DNAJC1: variants seen among roughly 807,000 people sequenced by gnomAD.
DNAJC1 encodes the protein DnaJ heat shock protein family (Hsp40) member C1.
DNAJC1 carries 58 observed loss-of-function variants against 76.6 expected under a neutral mutation model. That is an observed-to-expected ratio of 0.76 (90% CI 0.61 to 0.94). The LOEUF (loss-of-function observed/expected upper bound fraction) is 0.94, where lower values mean the gene tolerates loss of function less well. Among genes scored for constraint, DNAJC1 ranks in the 40% least tolerant of loss-of-function variants. The pLI is 0.00. For synonymous variants in DNAJC1, 258 were observed against 267.9 expected (o/e 0.96, Z 0.36); for missense variants, 689 against 677.3 (o/e 1.02, Z -0.19).
chr10:21,844,337 C>G (rs1835622002), intron 8 of DNAJC1, among the ~76,000 whole-genome samples: 2 of 151,434 alleles, frequency 1.3e-5, no homozygotes, highest in Admixed American at 1.3e-4. Context: ...CGAATCCTGG[C>G]CTCAAGTGAT....
At chr10:21,864,514 C>CG (rs1191643244) in intron 8 of DNAJC1, among the ~76,000 whole-genome samples, 24 of 151,670 alleles carry the variant, frequency 1.6e-4, no homozygotes, top group South Asian at 4.1e-4. Context: ...CCCAGCTACT[C>CG]GGCAGGCTGA....
At chr10:21,775,267 C>T (rs958132646) in intron 9 of DNAJC1, among the ~76,000 whole-genome samples, 1 of 146,604 alleles carries the variant, frequency 6.8e-6, no homozygotes, top group Non-Finnish European at 1.5e-5. Context: ...ATTCAAGTTA[C>T]TATGCAAACT....
chr10:21,965,745 T>C (rs1837879435), intron 1 of DNAJC1, among the ~76,000 whole-genome samples: 1 of 152,178 alleles, frequency 6.6e-6, no homozygotes, highest in South Asian at 2.1e-4. Context: ...TATACGAGTA[T>C]ATACCTAGGG....
At chr10:21,834,373 G>A (rs1835415329) in intron 8 of DNAJC1, among the ~76,000 whole-genome samples, 1 of 152,246 alleles carries the variant, frequency 6.6e-6, no homozygotes, top group African/African-American at 2.4e-5. Flanking sequence ...AACAGCTCTG[G>A]TCTACAGCTA....
At chr10:21,794,266 C>CAAAAAAAA (rs542182948) in intron 9 of DNAJC1, among the ~76,000 whole-genome samples, 2 of 53,564 alleles carry the variant, frequency 3.7e-5, no homozygotes, top group African/African-American at 1.3e-4. Flanking sequence ...TTCCTATCTT[C>CAAAAAAAA]AAAAAAAAAA....
intron 8 of DNAJC1, among the ~76,000 whole-genome samples, chr10:21,812,250 G>T (rs1192100811): frequency 1.3e-5 from 2 of 151,392 alleles, no homozygotes; most frequent in African/African-American, 4.9e-5. Context: ...GTAGAGACGG[G>T]GTTTCACCAT....
chr10:21,806,144 T>C, intron 8 of DNAJC1, 45 bp from the exon 9 acceptor site: 1 of 1,547,818 alleles, frequency 6.5e-7, no homozygotes, highest in Non-Finnish European at 8.7e-7. Context: ...TGGGAGAAAA[T>C]AAAAAGATAA....
chr10:21,797,130 TGTAA>T lies in DNAJC1; in HGVS notation c.1098+8846_1098+8849del, dbSNP rs568803536. ...TTAAAAAAATTTTTTTTTTGCATGG[TGTAA>T]GTAAGGGTCCAGTTTCATTCTTTTG... On this transcript the variant is annotated intron_variant, in intron 9 of 11. Transcript: ENST00000376980. Among the ~76,000 whole-genome samples the T allele has an allele frequency of 4.2e-3, 641 of 152,136 alleles. 5 individuals carry two copies. The highest frequency in any genetic ancestry group is 0.019 in the South Asian group (93 of 4,818).
In DNAJC1 at chr10:22,003,590, C is replaced by T; in HGVS notation, c.-156G>A. 5 of 925,110 alleles carry T rather than the reference C, an allele frequency of 5.4e-6. No homozygotes were observed. Among genetic ancestry groups the T allele is most frequent in the South Asian group, 4.5e-5 (1 of 22,274 alleles). 57.3% of individuals were successfully genotyped at this position (925,110 alleles called of 1,614,324 possible). A position where few individuals can be genotyped will look rare whatever the true frequency, so the allele number is the denominator to read the frequency against. ...GCCAGGTGGCTGGCCCCAGACAGAG[C>T]GCGGAGGCGGCGGGAGCCGGCTGCC... is the stretch of plus-strand genomic sequence containing the variant. On this transcript the variant is annotated 5_prime_UTR_variant, in exon 1 of 12. Coordinates refer to ENST00000376980, the MANE Select transcript of DNAJC1 (RefSeq NM_022365.4).
chr10:21,854,956 C>T (rs550008159), intron 8 of DNAJC1, among the ~76,000 whole-genome samples: 6 of 152,126 alleles, frequency 3.9e-5, no homozygotes, highest in South Asian at 4.2e-4. Flanking sequence ...TTCGATATTA[C>T]GAAACTAAAG....
intron 6 of DNAJC1, among the ~76,000 whole-genome samples, chr10:21,907,802 C>A (rs1214087793): frequency 6.7e-6 from 1 of 150,090 alleles, no homozygotes; most frequent in African/African-American, 2.5e-5. Context: ...CATGGTGAAG[C>A]CCCATGTGTA....
chr10:21,907,989 A>C lies in DNAJC1; in HGVS notation c.730-3377T>G, dbSNP rs376434547. Among the ~76,000 whole-genome samples, 4 of 119,462 alleles carry C rather than the reference A, an allele frequency of 3.3e-5. No individual in the cohort carries two copies. The East Asian group carries it at 8.6e-4, about 26-fold the overall frequency. The allele number at this position is 119,462 out of a possible 152,430, so 78.4% of individuals were successfully genotyped here. On this transcript the variant is annotated intron_variant, in intron 6 of 11. Transcript: ENST00000376980. ...TGAGACTCTGTCTGAAATATATGAA[A>C]TATATATGAAATATATTATATATAA... is the stretch of plus-strand genomic sequence containing the variant.
chr10:21,964,373 C>T lies in DNAJC1; in HGVS notation c.223-35232G>A, dbSNP rs542920220. Among the ~76,000 whole-genome samples, 9 of 152,226 alleles carry T rather than the reference C, an allele frequency of 5.9e-5. 1 individual carries two copies. In the East Asian group the frequency reaches 1.2e-3, roughly 20 times the overall value. On this transcript the variant is annotated intron_variant, in intron 1 of 11. Transcript: ENST00000376980. ...GGGGCTACAGGCACACGCCACCATG[C>T]CTGGCTAATTTTTTTGTATTTTTAG...
At chr10:21,907,213 T>C (rs991936114) in intron 6 of DNAJC1, among the ~76,000 whole-genome samples, 8 of 152,190 alleles carry the variant, frequency 5.3e-5, no homozygotes, top group Non-Finnish European at 8.8e-5. Context: ...TAACCTACTC[T>C]ACTTAATCTG....
At chr10:21,878,177 A>C (rs1449566159) in intron 8 of DNAJC1, among the ~76,000 whole-genome samples, 2 of 152,218 alleles carry the variant, frequency 1.3e-5, no homozygotes, top group African/African-American at 4.8e-5. Context: ...CAATGGTGTT[A>C]TTCAAGGTTT....
intron 8 of DNAJC1, among the ~76,000 whole-genome samples, chr10:21,870,781 GAGAA>G (rs1359426137): frequency 6.6e-6 from 1 of 151,850 alleles, no homozygotes; most frequent in Non-Finnish European, 1.5e-5. Context: ...TATCAAAAAA[GAGAA>G]AGAAAGAGAG....
chr10:22,001,596 C>T (rs1838519686), intron 1 of DNAJC1, among the ~76,000 whole-genome samples: 1 of 152,150 alleles, frequency 6.6e-6, no homozygotes, highest in Non-Finnish European at 1.5e-5. Context: ...ATTAACTATG[C>T]AAATCAAGTT....
intron 1 of DNAJC1, among the ~76,000 whole-genome samples, chr10:21,966,226 TA>T (rs1451302682): frequency 6.6e-6 from 1 of 152,186 alleles, no homozygotes; most frequent in Non-Finnish European, 1.5e-5. Flanking sequence ...TATATGTTCT[TA>T]CTGGTAATAC....
chr10:21,897,792 T>C (rs754188525), intron 7 of DNAJC1, among the ~76,000 whole-genome samples: 7 of 152,170 alleles, frequency 4.6e-5, no homozygotes, highest in Non-Finnish European at 1.0e-4. Context: ...TACTAAATGC[T>C]TTCCCCTTAA....
Sources: gnomAD v4.1 joint callset for allele counts (sites outside exome capture counted in the v4.1 genomes callset) on GRCh38, gnomAD v4.1.1 for gene constraint, MANE v1.5 for transcripts, NCBI Gene and HGNC (gene_info 2026-07-23, HGNC 2026-07-21) for gene names.